The following PRELID2 variants were observed in gnomAD, a reference collection of about 807,000 sequenced individuals.
The protein encoded by PRELID2 is PRELI domain containing 2.
Under a neutral mutation model 28.4 loss-of-function variants are expected in PRELID2, and 25 were observed. That is an observed-to-expected ratio of 0.88 (90% CI 0.64 to 1.23). The LOEUF (loss-of-function observed/expected upper bound fraction) is 1.23, where lower values mean the gene tolerates loss of function less well. PRELID2 is among the 50% of genes most tolerant of loss of function. The pLI, the probability that PRELID2 is intolerant of heterozygous loss-of-function variation, is 0.00. For missense variants in PRELID2, 201 were observed against 214.4 expected, an observed-to-expected ratio of 0.94 and a Z score of 0.39; for synonymous variants, 76 against 71.6, an observed-to-expected ratio of 1.06 and a Z score of -0.31.
intron 1 of PRELID2, among the ~76,000 whole-genome samples, chr5:145,513,692 G>T (rs74851637): frequency 0.024 from 3,663 of 152,210 alleles, 71 homozygotes; most frequent in Non-Finnish European, 0.036. Context: ...ACACATAATT[G>T]TCAGATTTAC....
chr5:145,718,648 T>C (rs913303790), intron 1 of PRELID2, among the ~76,000 whole-genome samples: 1 of 151,966 alleles, frequency 6.6e-6, no homozygotes, highest in Admixed American at 6.6e-5. Context: ...TATTAAGATA[T>C]ATTTATTAAG....
chr5:145,560,914 G>T (rs1752920096), intron 1 of PRELID2, among the ~76,000 whole-genome samples: 1 of 152,130 alleles, frequency 6.6e-6, no homozygotes, highest in African/African-American at 2.4e-5. Flanking sequence ...TCCCTGGAAG[G>T]AGAAATACAG....
At chr5:145,363,160 A>G in the PRELID2 span, among the ~76,000 whole-genome samples, 1 of 151,916 alleles carries the variant, frequency 6.6e-6, no homozygotes, top group Middle Eastern at 3.5e-3. Flanking sequence ...CTAGCTCAAC[A>G]CAAACATATC....
chr5:145,822,006 A>T (rs569794145), intron 2 of PRELID2, among the ~76,000 whole-genome samples: 2 of 152,334 alleles, frequency 1.3e-5, no homozygotes, highest in Admixed American at 1.3e-4. Context: ...AATATTTTTA[A>T]TATATCTATA....
At chr5:145,770,262 G>A (rs1197316581) in intron 5 of PRELID2, among the ~76,000 whole-genome samples, 2 of 152,032 alleles carry the variant, frequency 1.3e-5, no homozygotes, top group African/African-American at 2.4e-5. Context: ...GCCAGGCATG[G>A]TGGCACTTTG....
At chr5:145,819,505 G>A (rs1284794578) in intron 3 of PRELID2, 10 of 791,896 alleles carry the variant, frequency 1.3e-5, no homozygotes, top group Admixed American at 2.3e-5. Context: ...TACAGAGGGT[G>A]TGGAGAACCT....
chr5:145,367,164 C>G, the PRELID2 span, among the ~76,000 whole-genome samples: 2 of 151,892 alleles, frequency 1.3e-5, no homozygotes, highest in Admixed American at 1.3e-4. Flanking sequence ...TTTTAGGTTT[C>G]TGATGAAATG....
At chr5:145,391,690 T>G in the PRELID2 span, among the ~76,000 whole-genome samples, 10 of 152,222 alleles carry the variant, frequency 6.6e-5, no homozygotes, top group South Asian at 2.1e-4. Context: ...TTTTGTTTTT[T>G]TTTTTTTTCT....
the PRELID2 span, chr5:145,229,546 C>G: frequency 4.1e-6 from 6 of 1,474,732 alleles, no homozygotes; most frequent in Non-Finnish European, 5.6e-6. Context: ...ATGGCACCAC[C>G]CACCAGACCT....
At chr5:145,636,839 G>A (rs1754009778) in intron 1 of PRELID2, among the ~76,000 whole-genome samples, 1 of 152,218 alleles carries the variant, frequency 6.6e-6, no homozygotes, top group Non-Finnish European at 1.5e-5. Flanking sequence ...TAGCCTTAGA[G>A]AAGCATTACT....
chr5:145,360,704 T>G, the PRELID2 span, among the ~76,000 whole-genome samples: 2 of 152,216 alleles, frequency 1.3e-5, no homozygotes, highest in Admixed American at 1.3e-4. Context: ...CTTTTTGACT[T>G]GGATTCCAGG....
At chr5:145,386,912 C>A in the PRELID2 span, among the ~76,000 whole-genome samples, 155 of 152,268 alleles carry the variant, frequency 1.0e-3, 2 homozygotes, top group African/African-American at 3.7e-3. Context: ...CTGGGAGCAG[C>A]CCAAATAAAA....
At chr5:145,531,422 G>A (rs1453483736) in intron 1 of PRELID2, among the ~76,000 whole-genome samples, 1 of 152,160 alleles carries the variant, frequency 6.6e-6, no homozygotes, top group Non-Finnish European at 1.5e-5. Context: ...ACATGTGGCT[G>A]AGGCACTTCC....
intron 1 of PRELID2, among the ~76,000 whole-genome samples, chr5:145,612,612 T>C (rs563332207): frequency 1.3e-5 from 2 of 152,274 alleles, no homozygotes; most frequent in Admixed American, 1.3e-4. Context: ...CTCGCCCTCC[T>C]TCCACCCTTC....
chr5:145,762,242 A>G (rs1451168214), intron 6 of PRELID2, among the ~76,000 whole-genome samples: 1 of 152,188 alleles, frequency 6.6e-6, no homozygotes, highest in Non-Finnish European at 1.5e-5. Flanking sequence ...AAGAGAGGAG[A>G]GTAAGTTGCT....
intron 1 of PRELID2, chr5:145,728,608 C>G: frequency 1.0e-6 from 1 of 1,002,588 alleles, no homozygotes; most frequent in South Asian, 1.3e-5. Flanking sequence ...AAAACAATGA[C>G]CACTGTAACA....
At chr5:145,508,214 A>G (rs1389555472) in intron 1 of PRELID2, among the ~76,000 whole-genome samples, 2 of 152,136 alleles carry the variant, frequency 1.3e-5, no homozygotes, top group Non-Finnish European at 2.9e-5. Flanking sequence ...TTGGCTGAAA[A>G]AATCAATTTC....
At chr5:145,832,587 C>G (rs1397378601) in intron 1 of PRELID2, among the ~76,000 whole-genome samples, 2 of 152,130 alleles carry the variant, frequency 1.3e-5, no homozygotes, top group Non-Finnish European at 2.9e-5. Flanking sequence ...AGTTTCGGAT[C>G]CATGTGTTAA....
At chr5:145,529,817 G>C (rs1022523009) in intron 1 of PRELID2, among the ~76,000 whole-genome samples, 4 of 152,162 alleles carry the variant, frequency 2.6e-5, no homozygotes, top group African/African-American at 9.7e-5. Context: ...CATAAGCCCT[G>C]AAGTCTATGT....
Sources: allele counts gnomAD v4.1 joint callset (sites outside exome capture counted in the v4.1 genomes callset), GRCh38; gene constraint gnomAD v4.1.1; transcripts MANE v1.5; gene names NCBI Gene and HGNC (gene_info 2026-07-23, HGNC 2026-07-21).